Variants in ADCY9 observed in about 807,000 individuals in gnomAD.
The protein encoded by ADCY9 is adenylate cyclase type 9.
A neutral mutation model predicts 101.5 loss-of-function variants in ADCY9; 50 were observed. The observed-to-expected ratio is 0.49, with a 90% CI of 0.39 to 0.62. The LOEUF is 0.62. ADCY9 is among the 20% of genes least tolerant of loss of function. The probability of loss-of-function intolerance (pLI) is 0.00; values close to 1 mark genes in which losing one functional copy is unlikely to be tolerated. For synonymous variants in ADCY9, 905 were observed against 769.3 expected, an observed-to-expected ratio of 1.18 and a Z score of -2.92; for missense variants, 1,662 against 1,800.4, an observed-to-expected ratio of 0.92 and a Z score of 1.39.
intron 2 of ADCY9, among the ~76,000 whole-genome samples, chr16:4,109,623 T>A (rs2057100933): frequency 6.6e-6 from 1 of 152,160 alleles, no homozygotes; most frequent in Non-Finnish European, 1.5e-5. Flanking sequence ...CCCATTCACA[T>A]GGTCAAGCCC....
At chr16:4,008,913 ATG>A (rs899798951) in intron 2 of ADCY9, among the ~76,000 whole-genome samples, 23 of 152,268 alleles carry the variant, frequency 1.5e-4, no homozygotes, top group African/African-American at 4.8e-4. Flanking sequence ...GCATGGAAAG[ATG>A]CCATCGAGAG....
chr16:4,061,612 C>G (rs2056773904), intron 2 of ADCY9, among the ~76,000 whole-genome samples: 1 of 152,092 alleles, frequency 6.6e-6, no homozygotes, highest in African/African-American at 2.4e-5. Context: ...CCATATCCAT[C>G]AAAACCATAC....
Position 4,007,433 on chromosome 16 carries a change from C to T in ADCY9, c.1819G>A (p.Gly607Arg). Residue 607 changes from glycine (G) to arginine (R), a missense_variant, in exon 3 of 11, where the codon GGG becomes AGG. By Grantham distance (125) the Gly-to-Arg change is moderately radical (BLOSUM62 -2). Coordinates refer to ENST00000294016, the MANE Select transcript of ADCY9 (RefSeq NM_001116.4). ...CTGACATTCCCTGATGACGCTGTCC[C>T]CTGTCCCCTAGGGCCTGAGGACACC... The part of the protein sequence containing the change: ...SQVSSGPRGQ[G>R]TASSGNVSDL... The T allele has an allele frequency of 1.9e-6, 3 of 1,613,934 alleles. No homozygotes were observed. Among genetic ancestry groups the T allele is most frequent in the Non-Finnish European group, 2.5e-6 (3 of 1,179,934 alleles).
intron 3 of ADCY9, among the ~76,000 whole-genome samples, chr16:4,003,563 CTTT>C (rs34344577): frequency 6.4e-5 from 8 of 124,476 alleles, no homozygotes; most frequent in Admixed American, 1.7e-4. Flanking sequence ...TCTTTCTTTT[CTTT>C]TTTTTTTTTT....
At chr16:4,055,672 A>C (rs1308548647) in intron 2 of ADCY9, among the ~76,000 whole-genome samples, 2 of 152,056 alleles carry the variant, frequency 1.3e-5, no homozygotes, top group African/African-American at 4.8e-5. Context: ...TCTCTACTAA[A>C]AATACAAAAA....
intron 2 of ADCY9, among the ~76,000 whole-genome samples, chr16:4,104,105 C>T (rs1023176190): frequency 3.3e-5 from 5 of 152,104 alleles, no homozygotes; most frequent in African/African-American, 4.8e-5. Context: ...GGCTTGAGTA[C>T]GGGCAGACCA....
At chr16:4,048,272 C>T (rs2056679132) in intron 2 of ADCY9, among the ~76,000 whole-genome samples, 1 of 152,180 alleles carries the variant, frequency 6.6e-6, no homozygotes, top group Non-Finnish European at 1.5e-5. Flanking sequence ...ACACTAATAA[C>T]ATTAAAATGA....
intron 3 of ADCY9, among the ~76,000 whole-genome samples, chr16:3,996,250 C>T (rs2056285890): frequency 6.6e-6 from 1 of 152,078 alleles, no homozygotes. Context: ...TGGTCCCAGC[C>T]ACTCGGGAGG....
chr16:3,992,899 C>T lies in ADCY9; in HGVS notation c.1989+507G>A, dbSNP rs992031284. Among the ~76,000 whole-genome samples, 1 of 152,018 alleles carries T rather than the reference C, an allele frequency of 6.6e-6. No homozygotes were observed. Among genetic ancestry groups the T allele is most frequent in the Admixed American group, 6.6e-5 (1 of 15,256 alleles). ...GGAGAGCAGATGGAGGACGAGAGCC[C>T]GCGCCCCAGGTGAGTCGCCTGCATG... On this transcript the variant is annotated intron_variant, in intron 4 of 10. Transcript: ENST00000294016. The surrounding 1 kb of genome is among the most constrained non-coding windows in gnomAD (Gnocchi z 4.2).
chr16:4,013,139 C>T (rs951121853), intron 2 of ADCY9, among the ~76,000 whole-genome samples: 4 of 151,906 alleles, frequency 2.6e-5, no homozygotes, highest in African/African-American at 9.7e-5. Context: ...TCCCAGCTAC[C>T]CAGGAGGCTA....
chr16:4,087,451 G>A (rs1178401192), intron 2 of ADCY9, among the ~76,000 whole-genome samples: 1 of 148,610 alleles, frequency 6.7e-6, no homozygotes, highest in African/African-American at 2.5e-5. Flanking sequence ...CATGAGAATT[G>A]TTTGAACCCA....
intron 2 of ADCY9, among the ~76,000 whole-genome samples, chr16:4,096,094 G>A (rs2057002324): frequency 6.6e-6 from 1 of 151,742 alleles, no homozygotes; most frequent in Non-Finnish European, 1.5e-5. Flanking sequence ...TCAATCTTAC[G>A]TATTTATATT....
chr16:3,976,958 T>G (rs906547346), intron 9 of ADCY9, among the ~76,000 whole-genome samples: 3 of 152,170 alleles, frequency 2.0e-5, no homozygotes, highest in African/African-American at 7.2e-5. Flanking sequence ...GTGCCCAGCC[T>G]GACATAATAT....
rs556973604 is a variant in ADCY9 at position 4,065,918 on chromosome 16, G to C, written c.1693+47832C>G. On this transcript the variant is annotated intron_variant, in intron 2 of 10. Coordinates refer to ENST00000294016, the MANE Select transcript of ADCY9 (RefSeq NM_001116.4). ...TGGGTCTCACCATGTTGGCCAGGCT[G>C]GTCTCGAACTCCTGACCTCAGGTGA... Among the ~76,000 whole-genome samples the C allele has an allele frequency of 2.6e-5, 4 of 152,278 alleles. No individual in the cohort carries two copies. The East Asian group carries it at 7.7e-4, about 29-fold the overall frequency.
intron 2 of ADCY9, among the ~76,000 whole-genome samples, chr16:4,081,440 G>T (rs976448458): frequency 6.6e-6 from 1 of 152,232 alleles, no homozygotes; most frequent in Non-Finnish European, 1.5e-5. Context: ...AGCTCCAGAT[G>T]TAAGTTTAAG....
At chr16:4,058,681 A>G (rs1299661373) in intron 2 of ADCY9, among the ~76,000 whole-genome samples, 1 of 152,170 alleles carries the variant, frequency 6.6e-6, no homozygotes, top group Non-Finnish European at 1.5e-5. Flanking sequence ...ATAAAAGGCC[A>G]GGGAACAAGA....
In ADCY9 at chr16:3,965,723, T is replaced by C. The variant is rs2141669662; in HGVS notation, c.*52A>G. On this transcript the variant is annotated 3_prime_UTR_variant, in exon 11 of 11. Coordinates refer to ENST00000294016, the MANE Select transcript of ADCY9 (RefSeq NM_001116.4). ...GGAAAGCACAACAGCCAAATACAAA[T>C]ATTACTGTGTTTCGACAAACAGAGC... is the stretch of plus-strand genomic sequence containing the variant. 6.6e-7 allele frequency: 1 copy of C among 1,524,508 alleles called. No individual in the cohort carries two copies. Among genetic ancestry groups the C allele is most frequent in the East Asian group, 2.3e-5 (1 of 44,280 alleles). The allele number at this position is 1,524,508 out of a possible 1,614,324, so 94.4% of individuals were successfully genotyped here.
intron 2 of ADCY9, among the ~76,000 whole-genome samples, chr16:4,106,458 A>G (rs367818354): frequency 6.6e-6 from 1 of 152,118 alleles, no homozygotes; most frequent in Admixed American, 6.5e-5. Flanking sequence ...CCTGTTTCAA[A>G]AACTCTCATC....
At chr16:4,110,495 T>C (rs763085704) in intron 2 of ADCY9, among the ~76,000 whole-genome samples, 30 of 149,968 alleles carry the variant, frequency 2.0e-4, no homozygotes, top group Non-Finnish European at 4.0e-4. Context: ...GTTCAAGCGA[T>C]TCTTCTGCCT....
Sources: gnomAD v4.1 joint callset for allele counts (sites outside exome capture counted in the v4.1 genomes callset) on GRCh38, gnomAD v4.1.1 for gene constraint, Gnocchi (gnomAD v3.1) non-coding constraint, MANE v1.5 for transcripts, NCBI Gene and HGNC (gene_info 2026-07-23, HGNC 2026-07-21) for gene names.